The following PREX2 variants were observed in gnomAD, a reference collection of about 807,000 sequenced individuals.
PREX2 encodes the protein phosphatidylinositol 3,4,5-trisphosphate-dependent Rac exchanger 2 protein.
In PREX2, 107 loss-of-function variants were observed where a neutral mutation model predicts 203.2. The observed-to-expected ratio is 0.53, with a 90% CI of 0.45 to 0.62. PREX2 has a LOEUF of 0.62. PREX2 is among the 20% of genes least tolerant of loss of function. The pLI is 0.00. For missense variants in PREX2, 1,777 were observed against 1,955.9 expected (o/e 0.91, Z 1.72); for synonymous variants, 672 against 663.6 (o/e 1.01, Z -0.19).
At chr8:68,095,242 T>C (rs1810022187) in intron 21 of PREX2, among the ~76,000 whole-genome samples, 1 of 151,990 alleles carries the variant, frequency 6.6e-6, no homozygotes, top group Non-Finnish European at 1.5e-5. Context: ...GTGACTAAAC[T>C]TGAACTCTAG....
intron 37 of PREX2, 123 bp from the exon 38 acceptor site, chr8:68,217,493 G>A: frequency 1.5e-6 from 1 of 655,332 alleles, no homozygotes; most frequent in Non-Finnish European, 2.7e-6. Flanking sequence ...AAAATCAGCG[G>A]TTCATTGTCT....
At chr8:68,162,498 A>G (rs1306020860) in intron 35 of PREX2, among the ~76,000 whole-genome samples, 2 of 152,164 alleles carry the variant, frequency 1.3e-5, no homozygotes, top group Non-Finnish European at 2.9e-5. Flanking sequence ...CTTTTAAATT[A>G]CTGAAAAGAA....
intron 8 of PREX2, among the ~76,000 whole-genome samples, chr8:68,052,351 G>T (rs920588984): frequency 6.6e-6 from 1 of 152,152 alleles, no homozygotes; most frequent in African/African-American, 2.4e-5. Flanking sequence ...TCTACCCGCT[G>T]TTAGGCAGAC....
At chr8:68,149,867 T>G (rs1293341705) in intron 34 of PREX2, among the ~76,000 whole-genome samples, 2 of 152,236 alleles carry the variant, frequency 1.3e-5, no homozygotes, top group African/African-American at 4.8e-5. Context: ...TATGAAACGC[T>G]GTGCAATTAT....
At chr8:68,161,454 G>A (rs554870101) in intron 35 of PREX2, among the ~76,000 whole-genome samples, 175 of 152,072 alleles carry the variant, frequency 1.2e-3, no homozygotes, top group African/African-American at 1.9e-3. Flanking sequence ...CTAATAGCAC[G>A]CCCCAGATCC....
chr8:68,007,921 A>G (rs1280239433), intron 1 of PREX2, among the ~76,000 whole-genome samples: 1 of 152,126 alleles, frequency 6.6e-6, no homozygotes. Flanking sequence ...CAGTTACTTC[A>G]CATATATTAA....
chr8:68,229,733 G>A (rs143556249), intron 39 of PREX2, among the ~76,000 whole-genome samples: 1 of 152,328 alleles, frequency 6.6e-6, no homozygotes, highest in East Asian at 1.9e-4. Flanking sequence ...TCATGGGGCA[G>A]GACATTCGCC....
At chr8:68,015,242 G>A (rs1318093779) in intron 1 of PREX2, among the ~76,000 whole-genome samples, 1 of 152,164 alleles carries the variant, frequency 6.6e-6, no homozygotes, top group Admixed American at 6.5e-5. Context: ...TAGGAAGGAA[G>A]ATTTAAACCT....
chr8:68,105,755 G>GTA (rs1327831043), intron 23 of PREX2: 56 of 169,932 alleles, frequency 3.3e-4, no homozygotes, highest in Middle Eastern at 2.9e-3. Context: ...ACATATATAT[G>GTA]TATATATATA....
chr8:68,218,159 C>T (rs1322599188), intron 38 of PREX2, among the ~76,000 whole-genome samples: 3 of 152,128 alleles, frequency 2.0e-5, no homozygotes, highest in Non-Finnish European at 4.4e-5. Context: ...ATGCCATACT[C>T]AGTGTGTACA....
chr8:68,041,695 T>C (rs1368368270), intron 7 of PREX2, among the ~76,000 whole-genome samples: 2 of 152,096 alleles, frequency 1.3e-5, no homozygotes, highest in Non-Finnish European at 2.9e-5. Flanking sequence ...GGAGAGGTTG[T>C]TATTTTACTT....
At chr8:67,953,472 T>C (rs537007414) in intron 1 of PREX2, among the ~76,000 whole-genome samples, 1 of 152,302 alleles carries the variant, frequency 6.6e-6, no homozygotes, top group African/African-American at 2.4e-5. Flanking sequence ...TCCACCCAGA[T>C]TCCTGGGAGA....
intron 37 of PREX2, among the ~76,000 whole-genome samples, chr8:68,196,878 CTCTTT>C (rs2129614803): frequency 6.6e-6 from 1 of 152,244 alleles, no homozygotes; most frequent in Admixed American, 6.5e-5. Flanking sequence ...CCAATTAAAG[CTCTTT>C]TCTTTATAAA....
Position 67,974,770 on chromosome 8 carries a change from A to G in PREX2, c.141+22235A>G, listed in dbSNP as rs145620260. Among the ~76,000 whole-genome samples the G allele has an allele frequency of 2.2e-3, 342 of 152,366 alleles. 1 individual carries two copies. Among genetic ancestry groups the G allele is most frequent in the Admixed American group, 7.7e-3 (118 of 15,308 alleles). On this transcript the variant is annotated intron_variant, in intron 1 of 39. Coordinates refer to ENST00000288368, the MANE Select transcript of PREX2 (RefSeq NM_024870.4). ...GATCCTCCTAACCTAGAGATGATGC[A>G]GTGATATCATTTTAGAAATAATTTT...
intron 14 of PREX2, among the ~76,000 whole-genome samples, chr8:68,075,320 A>G (rs1809314792): frequency 6.6e-6 from 1 of 152,250 alleles, no homozygotes; most frequent in African/African-American, 2.4e-5. Context: ...TTATTAAACA[A>G]GCTTTTCTTG....
chr8:67,952,596 T>A (rs1805384674), intron 1 of PREX2, 61 bp downstream of exon 1: 1 of 1,569,562 alleles, frequency 6.4e-7, no homozygotes, highest in African/African-American at 1.4e-5. Flanking sequence ...GGTCCCGGAG[T>A]GGCTGCGGGA....
At chr8:68,194,414 A>G (rs1812354411) in intron 37 of PREX2, among the ~76,000 whole-genome samples, 1 of 152,194 alleles carries the variant, frequency 6.6e-6, no homozygotes. Flanking sequence ...TTGAATTAGC[A>G]TTAATATCTA....
Position 68,134,166 on chromosome 8 carries a change from A to T in PREX2, c.3874A>T (p.Asn1292Tyr). The change falls in exon 32 of 40, where the codon AAC becomes TAC. Residue 1292 changes from asparagine (N) to tyrosine (Y), a missense_variant. Coordinates refer to ENST00000288368, the MANE Select transcript of PREX2 (RefSeq NM_024870.4). ...GGCGGCCTTGAACCAGATGTTTGAC[A>T]ACAGCAAGGAAAATGAGATGGAAAC... ...LMAALNQMFD[N>Y]SKENEMETWE... The T allele has an allele frequency of 6.2e-7, 1 of 1,614,146 alleles. No homozygotes were observed. The highest frequency in any genetic ancestry group is 8.5e-7 in the Non-Finnish European group (1 of 1,180,010).
intron 34 of PREX2, among the ~76,000 whole-genome samples, chr8:68,147,106 G>C (rs922016695): frequency 6.6e-6 from 1 of 152,082 alleles, no homozygotes; most frequent in Non-Finnish European, 1.5e-5. Flanking sequence ...CATGTCACAA[G>C]ATTGTATCAG....
Sources: allele counts gnomAD v4.1 joint callset (sites outside exome capture counted in the v4.1 genomes callset), GRCh38; gene constraint gnomAD v4.1.1; transcripts MANE v1.5; gene names NCBI Gene and HGNC (gene_info 2026-07-23, HGNC 2026-07-21).